ACACB: variants seen among roughly 807,000 people sequenced by gnomAD.
ACACB encodes the protein acetyl-CoA carboxylase beta, also known as acetyl-CoA carboxylase 2.
A neutral mutation model predicts 278.8 loss-of-function variants in ACACB; 209 were observed. The ratio of observed to expected loss-of-function variants is 0.75; its 90% CI spans 0.67 to 0.84. The LOEUF is 0.84. ACACB is among the 40% of genes least tolerant of loss of function. The pLI, the probability that ACACB is intolerant of heterozygous loss-of-function variation, is 0.00. For synonymous variants in ACACB, 1,174 were observed against 1,285.6 expected (o/e 0.91, Z 1.86); for missense variants, 2,850 against 3,269.0 (o/e 0.87, Z 3.13).
intron 10 of ACACB, 172 bp downstream of exon 10, chr12:109,179,469 G>A (rs369346157): frequency 3.1e-5 from 21 of 688,142 alleles, no homozygotes; most frequent in South Asian, 1.1e-4. Flanking sequence ...TGGATTAGCC[G>A]GTCTGTGAAC....
Position 109,209,207 on chromosome 12 carries a change from C to T in ACACB, c.3103C>T (p.Pro1035Ser), listed in dbSNP as rs765506891. 5 of 1,608,742 alleles carry T rather than the reference C, an allele frequency of 3.1e-6. No homozygotes were observed. In the African/African-American group the frequency reaches 6.7e-5, roughly 21 times the overall value. The change falls in exon 21 of 53, where the codon CCG becomes TCG. Residue 1035 changes from proline (P) to serine (S), a missense_variant. Pro to Ser is a moderately conservative substitution (Grantham distance 74). Transcript: ENST00000338432. ...VQKLMMTLRH[P>S]SLPLLELQEI... ...GAAGCTCATGATGACCCTCCGGCAC[C>T]CGTCACTGCCGCTGCTGGAGCTGCA...
chr12:109,235,947 CAA>C, intron 33 of ACACB: 1 of 327,630 alleles, frequency 3.1e-6, no homozygotes, highest in South Asian at 4.7e-5. Context: ...TTCAGTGAGC[CAA>C]GGTGATTCCA....
chr12:109,220,827 T>C lies in ACACB; in HGVS notation c.3565-1680T>C, dbSNP rs112049867. 5.5e-3 allele frequency among the ~76,000 whole-genome samples: 840 copies of C among 152,334 alleles called. 6 individuals are homozygous for C. The highest frequency in any genetic ancestry group is 9.7e-3 in the Non-Finnish European group (657 of 68,026). ...GCCTTGGCCTCCCAAAGTGCAGGGA[T>C]TACAGGCCTGAGCCACCATGCCCTG... On this transcript the variant is annotated intron_variant, in intron 24 of 52. Coordinates refer to ENST00000338432, the MANE Select transcript of ACACB (RefSeq NM_001093.4).
intron 1 of ACACB, among the ~76,000 whole-genome samples, chr12:109,122,236 G>A (rs372246421): frequency 1.3e-5 from 2 of 152,220 alleles, no homozygotes; most frequent in East Asian, 1.9e-4. Context: ...TCAACTTCTC[G>A]AACCCAGAAC....
chr12:109,234,037 C>T lies in ACACB; in HGVS notation c.4339C>T (p.Gln1447Ter). 1 of 1,611,080 alleles carries T rather than the reference C, an allele frequency of 6.2e-7. No individual in the cohort carries two copies. Among genetic ancestry groups the T allele is most frequent in the Non-Finnish European group, 8.5e-7 (1 of 1,178,332 alleles). The change falls in exon 31 of 53, where the codon CAG becomes TAG. Residue 1447 changes from glutamine (Q) to a stop codon, truncating the protein, a stop_gained. Coordinates refer to ENST00000338432, the MANE Select transcript of ACACB (RefSeq NM_001093.4). LOFTEE classifies it high-confidence loss of function. ...GGTGCCGATTTTACGGACATTCGTA[C>T]AGTCCAAGGTACTCTGGGCGTGCCT... is the stretch of plus-strand genomic sequence containing the variant. ...ALVPILRTFV[Q>*]SKKNILVDYG...
chr12:109,212,939 G>T lies in ACACB; in HGVS notation c.3350+3G>T. The T allele has an allele frequency of 1.2e-6, 2 of 1,612,754 alleles. No homozygotes were observed. Among genetic ancestry groups the T allele is most frequent in the South Asian group, 1.1e-5 (1 of 91,024 alleles). On this transcript the variant is annotated splice_donor_region_variant and intron_variant, in intron 22 of 52. Coordinates refer to ENST00000338432, the MANE Select transcript of ACACB (RefSeq NM_001093.4). The stretch of plus-strand genomic sequence containing the variant: ...AGCATCGTGCAGTTGGTCCAGAGGT[G>T]AATCCTGGGTCTCCCCGTAGGATGT...
chr12:109,199,477 G>T lies in ACACB; in HGVS notation c.2703G>T (p.Ser901=). 2 of 1,570,954 alleles carry T rather than the reference G, an allele frequency of 1.3e-6. No individual in the cohort carries two copies. The highest frequency in any genetic ancestry group is 1.7e-6 in the Non-Finnish European group (2 of 1,158,644). ...ENDPTVLRSP[S]AGKLTQYTVE... ...ATCCTACAGTCCTGAGATCCCCCTC[G>T]GCTGGGAAGCTGACACAGTACACAG... The change falls in exon 18 of 53, where the codon TCG becomes TCT. Residue 901 remains serine (S), a synonymous_variant. Transcript: ENST00000338432.
At chr12:109,265,822 G>A (rs1324457312) in intron 52 of ACACB, among the ~76,000 whole-genome samples, 1 of 152,274 alleles carries the variant, frequency 6.6e-6, no homozygotes, top group African/African-American at 2.4e-5. Context: ...GCTGGAGCAG[G>A]GTTGGTCACA....
intron 2 of ACACB, among the ~76,000 whole-genome samples, chr12:109,147,938 G>T (rs967293248): frequency 6.6e-6 from 1 of 152,132 alleles, no homozygotes; most frequent in Admixed American, 6.5e-5. Context: ...CTTTCTCCTT[G>T]TATCTTGTGA....
chr12:109,258,951 TC>T (rs756183895), intron 46 of ACACB, 21 bp from the exon 47 acceptor site: 7 of 1,612,950 alleles, frequency 4.3e-6, no homozygotes, highest in Non-Finnish European at 5.9e-6. Context: ...AGACATCTGA[TC>T]CCCGCAGCTC....
chr12:109,231,350 A>G (rs889297435), intron 28 of ACACB, among the ~76,000 whole-genome samples: 2 of 152,032 alleles, frequency 1.3e-5, no homozygotes, highest in Non-Finnish European at 2.9e-5. Flanking sequence ...AAGTCCTTCC[A>G]TTTTTCAATG....
intron 2 of ACACB, 42 bp downstream of exon 2, chr12:109,140,100 C>A: frequency 6.5e-7 from 1 of 1,530,144 alleles, no homozygotes; most frequent in South Asian, 1.3e-5. Flanking sequence ...GTGCAGAGTT[C>A]AGGTGGGGTC....
chr12:109,127,244 A>T (rs141735268), intron 1 of ACACB, among the ~76,000 whole-genome samples: 43 of 152,260 alleles, frequency 2.8e-4, no homozygotes, highest in African/African-American at 9.1e-4. Flanking sequence ...AAGCTGTGTG[A>T]CTTCAAACAA....
At chr12:109,173,312 T>G (rs1339557158) in intron 6 of ACACB, among the ~76,000 whole-genome samples, 1 of 152,254 alleles carries the variant, frequency 6.6e-6, no homozygotes, top group African/African-American at 2.4e-5. Flanking sequence ...GTCCATGTCC[T>G]TGTGTAGTTT....
At position 109,199,384 on chromosome 12, in the gene ACACB, A is replaced by T. The variant is rs768090150; in HGVS notation, c.2628-18A>T. On this transcript the variant is annotated intron_variant, in intron 17 of 52. Coordinates refer to ENST00000338432, the MANE Select transcript of ACACB (RefSeq NM_001093.4). ...TAGTCCTCATCAGTCTCCCTACCCG[A>T]CTCCTCCTCTCTCCCAGTTACCGAA... 139 of 1,454,272 alleles carry T rather than the reference A, an allele frequency of 9.6e-5. 1 individual carries two copies. Among genetic ancestry groups the T allele is most frequent in the South Asian group, 1.4e-4 (9 of 64,426 alleles). 90.1% of individuals were successfully genotyped at this position (1,454,272 alleles called of 1,614,324 possible).
At chr12:109,226,850 A>C (rs1325822642) in intron 27 of ACACB, among the ~76,000 whole-genome samples, 2 of 152,192 alleles carry the variant, frequency 1.3e-5, no homozygotes, top group Non-Finnish European at 2.9e-5. Flanking sequence ...TATCTCTTAC[A>C]GAAGTTTATC....
intron 2 of ACACB, among the ~76,000 whole-genome samples, chr12:109,154,341 G>A (rs1174333760): frequency 6.6e-6 from 1 of 152,214 alleles, no homozygotes. Flanking sequence ...CTTGACAACA[G>A]GGACTTTTAA....
chr12:109,251,995 G>C, intron 41 of ACACB, 51 bp from the exon 42 acceptor site: 1 of 1,396,372 alleles, frequency 7.2e-7, no homozygotes, highest in Non-Finnish European at 9.9e-7. Context: ...TGCTGTGGGG[G>C]GTGGGTCCCT....
chr12:109,159,696 C>G (rs2043659035), intron 2 of ACACB, among the ~76,000 whole-genome samples: 1 of 151,974 alleles, frequency 6.6e-6, no homozygotes, highest in Non-Finnish European at 1.5e-5. Context: ...GAGCAGCATC[C>G]CTGGTCTCCA....
Sources: gnomAD v4.1 joint callset for allele counts (sites outside exome capture counted in the v4.1 genomes callset) on GRCh38, gnomAD v4.1.1 for gene constraint, MANE v1.5 for transcripts, NCBI Gene and HGNC (gene_info 2026-07-23, HGNC 2026-07-21) for gene names.